The following AGAP1 variants were observed in gnomAD, a reference collection of about 807,000 sequenced individuals.
AGAP1 encodes ArfGAP with GTPase domain, ankyrin repeat and PH domain 1.
AGAP1 carries 29 observed loss-of-function variants against 105.3 expected under a neutral mutation model. That is an observed-to-expected ratio of 0.28 (90% CI 0.21 to 0.38). The LOEUF (loss-of-function observed/expected upper bound fraction) is 0.38, where lower values mean the gene tolerates loss of function less well. Among genes scored for constraint, AGAP1 ranks in the 10% least tolerant of loss-of-function variants. The pLI, the probability that AGAP1 is intolerant of heterozygous loss-of-function variation, is 1.00. For synonymous variants in AGAP1, 509 were observed against 485.9 expected, an observed-to-expected ratio of 1.05 and a Z score of -0.63; for missense variants, 998 against 1,165.1, an observed-to-expected ratio of 0.86 and a Z score of 2.09.
intron 8 of AGAP1, among the ~76,000 whole-genome samples, chr2:235,805,467 G>A (rs967736045): frequency 6.6e-6 from 1 of 152,074 alleles, no homozygotes; most frequent in East Asian, 1.9e-4. Flanking sequence ...TAATTAACCA[G>A]AATAATGAAG....
intron 9 of AGAP1, among the ~76,000 whole-genome samples, chr2:235,811,257 T>C (rs1268043296): frequency 6.6e-6 from 1 of 152,226 alleles, no homozygotes; most frequent in Non-Finnish European, 1.5e-5. Flanking sequence ...AGAGAACCTG[T>C]CCATCCCCTC....
At position 236,076,954 on chromosome 2, in the gene AGAP1, A is replaced by C. The variant is rs760983385; in HGVS notation, c.2114+27673A>C. ...AACCCTGTCACTACAGAAAATACCC[A>C]AAAAAAAAAAGCCAGGCATGGTGGT... On this transcript the variant is annotated intron_variant, in intron 16 of 17. Coordinates refer to ENST00000304032, the MANE Select transcript of AGAP1 (RefSeq NM_001037131.3). This position sits in a 1 kb window ranked among gnomAD's most constrained non-coding sequence, Gnocchi z 4.4. Among the ~76,000 whole-genome samples the C allele has an allele frequency of 3.5e-4, 50 of 141,012 alleles. No homozygotes were observed. Among genetic ancestry groups the C allele is most frequent in the Admixed American group, 2.8e-3 (40 of 14,076 alleles). The allele number at this position is 141,012 out of a possible 152,430, so 92.5% of individuals were successfully genotyped here.
In AGAP1 at chr2:236,114,827, C is replaced by T. The variant is rs1047654079; in HGVS notation, c.2115-5365C>T. ...AATTTTATGGGATACGACTCAGCCT[C>T]TAACATCCAAGAAGCCCTTAAACAT... On this transcript the variant is annotated intron_variant, in intron 16 of 17. Transcript: ENST00000304032. This position sits in a 1 kb window ranked among gnomAD's most constrained non-coding sequence, Gnocchi z 5.0. Among the ~76,000 whole-genome samples, 2 of 152,218 alleles carry T rather than the reference C, an allele frequency of 1.3e-5. No homozygotes were observed. Among genetic ancestry groups the T allele is most frequent in the African/African-American group, 4.8e-5 (2 of 41,466 alleles).
chr2:235,571,973 T>TAC (rs1553568308), intron 1 of AGAP1, among the ~76,000 whole-genome samples: 1 of 70,180 alleles, frequency 1.4e-5, no homozygotes, highest in African/African-American at 8.5e-5. Flanking sequence ...CATATATATG[T>TAC]ATACACACAC....
Position 235,716,045 on chromosome 2 carries a change from C to T in AGAP1, c.223-1512C>T, listed in dbSNP as rs114360118. Among the ~76,000 whole-genome samples the T allele has an allele frequency of 0.013, 1,933 of 152,190 alleles. 40 individuals are homozygous for T. The highest frequency in any genetic ancestry group is 0.044 in the African/African-American group (1,826 of 41,504). ...TGGGGTGGACGGCGGCCAGGGGATG[C>T]GATTTGGGAATAGGCAGCTTTTTTT... On this transcript the variant is annotated intron_variant, in intron 2 of 17. Coordinates refer to ENST00000304032, the MANE Select transcript of AGAP1 (RefSeq NM_001037131.3). The surrounding 1 kb of genome is among the most constrained non-coding windows in gnomAD (Gnocchi z 4.0).
chr2:235,704,544 GC>G (rs1440852732), intron 1 of AGAP1, among the ~76,000 whole-genome samples: 2 of 152,210 alleles, frequency 1.3e-5, no homozygotes, highest in Non-Finnish European at 2.9e-5. Context: ...TACTCGAGAG[GC>G]TGAGGCAGGA....
At position 235,747,903 on chromosome 2, in the gene AGAP1, CA is replaced by C. The variant is rs1174326233; in HGVS notation, c.539-2448del. On this transcript the variant is annotated intron_variant, in intron 5 of 17. Coordinates refer to ENST00000304032, the MANE Select transcript of AGAP1 (RefSeq NM_001037131.3). This position sits in a 1 kb window ranked among gnomAD's most constrained non-coding sequence, Gnocchi z 5.0. ...ACGGAAGAGGAATTAGGTTCATTGC[CA>C]AAGGATTCCTGGGCTGGGGTGAGGC... Among the ~76,000 whole-genome samples, 1 of 152,180 alleles carries C rather than the reference CA, an allele frequency of 6.6e-6. No individual in the cohort carries two copies. The highest frequency in any genetic ancestry group is 1.9e-4 in the East Asian group (1 of 5,180).
intron 3 of AGAP1, among the ~76,000 whole-genome samples, chr2:235,738,958 A>G (rs1170004665): frequency 6.6e-6 from 1 of 152,212 alleles, no homozygotes; most frequent in Non-Finnish European, 1.5e-5. Flanking sequence ...AAAGGGAAAT[A>G]ATACTACTAT....
At chr2:235,746,755 G>T (rs899758179) in intron 5 of AGAP1, among the ~76,000 whole-genome samples, 17 of 152,068 alleles carry the variant, frequency 1.1e-4, no homozygotes, top group African/African-American at 3.9e-4. Context: ...GGCTGTGTGT[G>T]CAGACACCAC....
chr2:235,946,782 C>T (rs976479403), intron 12 of AGAP1, among the ~76,000 whole-genome samples: 10 of 152,094 alleles, frequency 6.6e-5, no homozygotes, highest in African/African-American at 2.2e-4. Context: ...AGGGAGGCAG[C>T]ACTGTGTGGT....
At chr2:235,541,631 T>G (rs1005063202) in intron 1 of AGAP1, among the ~76,000 whole-genome samples, 1 of 151,584 alleles carries the variant, frequency 6.6e-6, no homozygotes, top group African/African-American at 2.4e-5. Context: ...CCTCGTGATC[T>G]GCCCGCCTCC....
At chr2:235,818,821 G>T (rs1332513777) in intron 9 of AGAP1, among the ~76,000 whole-genome samples, 2 of 152,228 alleles carry the variant, frequency 1.3e-5, no homozygotes, top group African/African-American at 2.4e-5. Flanking sequence ...TGATCCACCT[G>T]CCTCGGCCTC....
At chr2:235,910,241 TC>T (rs1326628656) in intron 11 of AGAP1, among the ~76,000 whole-genome samples, 3 of 152,306 alleles carry the variant, frequency 2.0e-5, no homozygotes, top group Admixed American at 2.0e-4. Flanking sequence ...CTGAGCTGGT[TC>T]CTTCCCACCA....
At chr2:235,803,912 GT>G (rs1380450743) in intron 8 of AGAP1, among the ~76,000 whole-genome samples, 6 of 152,246 alleles carry the variant, frequency 3.9e-5, no homozygotes, top group Non-Finnish European at 2.9e-5. Context: ...TTAATCCCTA[GT>G]TTGGTAATAT....
intron 9 of AGAP1, among the ~76,000 whole-genome samples, chr2:235,861,560 C>G (rs1334129492): frequency 6.6e-6 from 1 of 152,238 alleles, no homozygotes; most frequent in Non-Finnish European, 1.5e-5. Context: ...CCCACGTTAA[C>G]TGTCACCTCT....
intron 9 of AGAP1, among the ~76,000 whole-genome samples, chr2:235,811,884 C>T (rs993680893): frequency 2.6e-5 from 4 of 152,218 alleles, no homozygotes; most frequent in Non-Finnish European, 5.9e-5. Context: ...ATTTGATCAC[C>T]TGGCTGATGT....
chr2:236,041,077 G>A (rs376159660), intron 15 of AGAP1, among the ~76,000 whole-genome samples: 2 of 152,106 alleles, frequency 1.3e-5, no homozygotes, highest in African/African-American at 2.4e-5. Flanking sequence ...TTAGGCATCC[G>A]ATGAGCAGCA....
In AGAP1 at chr2:235,793,250, G is replaced by A. The variant is rs565999474; in HGVS notation, c.674-4509G>A. Among the ~76,000 whole-genome samples the A allele has an allele frequency of 4.1e-4, 63 of 152,326 alleles. No individual in the cohort carries two copies. The highest frequency in any genetic ancestry group is 1.5e-3 in the African/African-American group (61 of 41,572). Reference sequence around the variant, plus strand: ...GCAGCATCCCCGGGCTTTCCAGAAGGCCTGGCTGGGAATGGGGCGTGGCAC... The same window carrying A: ...GCAGCATCCCCGGGCTTTCCAGAAGACCTGGCTGGGAATGGGGCGTGGCAC... On this transcript the variant is annotated intron_variant, in intron 6 of 17. Coordinates refer to ENST00000304032, the MANE Select transcript of AGAP1 (RefSeq NM_001037131.3). This position sits in a 1 kb window ranked among gnomAD's most constrained non-coding sequence, Gnocchi z 5.3.
At chr2:235,520,551 G>A (rs1942576177) in intron 1 of AGAP1, among the ~76,000 whole-genome samples, 1 of 152,156 alleles carries the variant, frequency 6.6e-6, no homozygotes, top group Non-Finnish European at 1.5e-5. Context: ...GCGGGTCTGT[G>A]TGGTTCATCA....
Sources: gnomAD v4.1 joint callset for allele counts (sites outside exome capture counted in the v4.1 genomes callset) on GRCh38, gnomAD v4.1.1 for gene constraint, Gnocchi (gnomAD v3.1) non-coding constraint, MANE v1.5 for transcripts, NCBI Gene and HGNC (gene_info 2026-07-23, HGNC 2026-07-21) for gene names.